Variants in LRFN5 observed in about 807,000 individuals in gnomAD.
LRFN5 encodes leucine rich repeat and fibronectin type III domain containing 5.
Under a neutral mutation model 45.6 loss-of-function variants are expected in LRFN5, and 24 were observed. The observed-to-expected ratio is 0.53, with a 90% confidence interval of 0.38 to 0.74. The LOEUF is 0.74. Among genes scored for constraint, LRFN5 ranks in the 30% least tolerant of loss-of-function variants. The probability of loss-of-function intolerance (pLI) is 0.00; values close to 1 mark genes in which losing one functional copy is unlikely to be tolerated. For missense variants in LRFN5, 776 were observed against 861.5 expected (o/e 0.90, Z 1.24); for synonymous variants, 340 against 313.8 (o/e 1.08, Z -0.88).
intron 2 of LRFN5, among the ~76,000 whole-genome samples, chr14:41,809,824 A>T (rs113318595): frequency 6.6e-6 from 1 of 151,910 alleles, no homozygotes; most frequent in Admixed American, 6.6e-5. Context: ...TAAAAATACT[A>T]TCTAAAAATA....
intron 2 of LRFN5, among the ~76,000 whole-genome samples, chr14:41,784,501 C>T (rs912257734): frequency 2.0e-5 from 3 of 151,916 alleles, no homozygotes; most frequent in African/African-American, 7.3e-5. Context: ...CTCGCAAAGA[C>T]TCTCTGAAAT....
intron 1 of LRFN5, among the ~76,000 whole-genome samples, chr14:41,659,215 C>T (rs966778500): frequency 6.6e-6 from 1 of 151,954 alleles, no homozygotes; most frequent in Non-Finnish European, 1.5e-5. Context: ...TCCCAACCCC[C>T]AACAGGCCCC....
intron 2 of LRFN5, among the ~76,000 whole-genome samples, chr14:41,824,104 T>C (rs2139019337): frequency 6.6e-6 from 1 of 152,304 alleles, no homozygotes; most frequent in Admixed American, 6.5e-5. Flanking sequence ...GGTTTTCAAC[T>C]TTCTCTCTGA....
intron 1 of LRFN5, among the ~76,000 whole-genome samples, chr14:41,611,617 T>C (rs1887760441): frequency 6.6e-6 from 1 of 152,212 alleles, no homozygotes; most frequent in African/African-American, 2.4e-5. Context: ...CCTCGGATAA[T>C]TTCTTTTAGT....
intron 2 of LRFN5, among the ~76,000 whole-genome samples, chr14:41,834,516 A>G (rs1166690861): frequency 6.6e-6 from 1 of 152,200 alleles, no homozygotes; most frequent in African/African-American, 2.4e-5. Context: ...TGCTAATTAC[A>G]TAACATGTTT....
At chr14:41,669,153 G>C (rs1481922238) in intron 1 of LRFN5, among the ~76,000 whole-genome samples, 1 of 151,996 alleles carries the variant, frequency 6.6e-6, no homozygotes, top group Non-Finnish European at 1.5e-5. Context: ...ATAAACCAAT[G>C]TGAAGAGGTA....
intron 1 of LRFN5, among the ~76,000 whole-genome samples, chr14:41,690,419 G>A (rs1882327132): frequency 6.6e-6 from 1 of 152,032 alleles, no homozygotes; most frequent in Non-Finnish European, 1.5e-5. Context: ...CGGGCATGGT[G>A]GTGTGCACCT....
intron 3 of LRFN5, among the ~76,000 whole-genome samples, chr14:41,889,868 T>C (rs1191334312): frequency 1.3e-5 from 2 of 152,078 alleles, no homozygotes; most frequent in African/African-American, 2.4e-5. Flanking sequence ...ATAAACTCTT[T>C]ATTTATTTAT....
At chr14:41,705,748 G>C (rs894615795) in intron 1 of LRFN5, among the ~76,000 whole-genome samples, 7 of 151,866 alleles carry the variant, frequency 4.6e-5, no homozygotes, top group South Asian at 4.2e-4. Context: ...TTATATACAG[G>C]GTTTACACAT....
chr14:41,887,249 G>T lies in LRFN5; in HGVS notation c.624G>T (p.Gln208His). 6.2e-7 allele frequency: 1 copy of T among 1,614,182 alleles called. No homozygotes were observed. The highest frequency in any genetic ancestry group is 8.5e-7 in the Non-Finnish European group (1 of 1,180,036). Residue 208 changes from glutamine (Q) to histidine (H), a missense_variant, in exon 3 of 6, where the codon CAG becomes CAT. Physicochemically the swap from Gln to His is conservative, Grantham distance 24. This residue lies in a region of LRFN5 where 311 missense variants were observed against 405.1 expected (regional missense o/e 0.77). Coordinates refer to ENST00000298119, the MANE Select transcript of LRFN5 (RefSeq NM_152447.5). This position sits in a 1 kb window ranked among gnomAD's most constrained non-coding sequence, Gnocchi z 4.8. ...TRLDVTSNKL[Q>H]KLPPDPLFQR... Reference sequence around the variant, plus strand: ...TAGATGTGACATCAAATAAATTGCAGAAGCTACCACCTGACCCTCTCTTTC... The same window carrying T: ...TAGATGTGACATCAAATAAATTGCATAAGCTACCACCTGACCCTCTCTTTC...
intron 1 of LRFN5, among the ~76,000 whole-genome samples, chr14:41,659,013 G>A (rs1403536753): frequency 6.6e-6 from 1 of 151,150 alleles, no homozygotes; most frequent in African/African-American, 2.4e-5. Flanking sequence ...ATTTCTTTTG[G>A]CTCTATTACA....
chr14:41,886,274 C>A (rs1890568485), intron 2 of LRFN5, among the ~76,000 whole-genome samples: 1 of 152,090 alleles, frequency 6.6e-6, no homozygotes, highest in Non-Finnish European at 1.5e-5. Flanking sequence ...AACCCCCAGG[C>A]CTACAATCTC....
chr14:41,822,836 C>T (rs1179790789), intron 2 of LRFN5, among the ~76,000 whole-genome samples: 1 of 131,092 alleles, frequency 7.6e-6, no homozygotes, highest in East Asian at 2.2e-4. Context: ...GTATTGGTTG[C>T]ATATATATTT....
chr14:41,650,987 C>CA (rs1254720952), intron 1 of LRFN5, among the ~76,000 whole-genome samples: 1 of 151,412 alleles, frequency 6.6e-6, no homozygotes. Flanking sequence ...CAAAATCTTA[C>CA]AAAAAAGATG....
At chr14:41,696,351 C>T (rs1217087526) in intron 1 of LRFN5, among the ~76,000 whole-genome samples, 1 of 151,800 alleles carries the variant, frequency 6.6e-6, no homozygotes, top group Admixed American at 6.6e-5. Context: ...TAAACAGTGG[C>T]AAGGTTTGAG....
At chr14:41,735,197 C>A (rs1313904927) in intron 1 of LRFN5, among the ~76,000 whole-genome samples, 1 of 152,094 alleles carries the variant, frequency 6.6e-6, no homozygotes, top group Non-Finnish European at 1.5e-5. Flanking sequence ...TTTAACATTT[C>A]TTATACAAAT....
chr14:41,880,280 G>C (rs1378708355), intron 2 of LRFN5, among the ~76,000 whole-genome samples: 1 of 151,412 alleles, frequency 6.6e-6, no homozygotes, highest in Non-Finnish European at 1.5e-5. Context: ...TCTATTTTTT[G>C]ATCTGATTTC....
Position 41,803,217 on chromosome 14 carries a change from A to G in LRFN5, c.-21+36188A>G, listed in dbSNP as rs187427047. Among the ~76,000 whole-genome samples, 55 of 152,280 alleles carry G rather than the reference A, an allele frequency of 3.6e-4. No homozygotes were observed. In the East Asian group the frequency reaches 0.011, roughly 29 times the overall value. ...ATATATTTCAGTATTTGTCATTAAG[A>G]TTCTTTTGATAGCCAATGGATGTGC... On this transcript the variant is annotated intron_variant, in intron 2 of 5. Transcript: ENST00000298119.
At chr14:41,868,567 C>G (rs1444681977) in intron 2 of LRFN5, among the ~76,000 whole-genome samples, 10 of 152,068 alleles carry the variant, frequency 6.6e-5, no homozygotes, top group African/African-American at 2.4e-4. Flanking sequence ...TCCAACTATC[C>G]ACCACCTACT....
Sources: allele counts gnomAD v4.1 joint callset (sites outside exome capture counted in the v4.1 genomes callset), GRCh38; gene constraint gnomAD v4.1.1; regional missense constraint gnomAD v4.1.1; non-coding constraint Gnocchi (gnomAD v3.1); transcripts MANE v1.5; gene names NCBI Gene and HGNC (gene_info 2026-07-23, HGNC 2026-07-21).